The following FOXN3 variants were observed in gnomAD, a reference collection of about 807,000 sequenced individuals.
FOXN3 encodes the protein forkhead box N3.
In FOXN3, 7 loss-of-function variants were observed where a neutral mutation model predicts 38.4. That is an observed-to-expected ratio of 0.18 (90% CI 0.10 to 0.34). FOXN3 has a LOEUF of 0.34. FOXN3 is among the 10% of genes least tolerant of loss of function. FOXN3 has a pLI of 1.00. For synonymous variants in FOXN3, 230 were observed against 242.2 expected, an observed-to-expected ratio of 0.95 and a Z score of 0.47; for missense variants, 456 against 613.4, an observed-to-expected ratio of 0.74 and a Z score of 2.71.
intron 4 of FOXN3, among the ~76,000 whole-genome samples, chr14:89,215,356 T>TC (rs72016761): frequency 0.018 from 2,774 of 152,064 alleles, 84 homozygotes; most frequent in African/African-American, 0.063. Flanking sequence ...GATTTTTTTT[T>TC]TTTTGGCAGA....
chr14:89,607,422 G>A (rs78157888), intron 1 of FOXN3, among the ~76,000 whole-genome samples: 1 of 152,084 alleles, frequency 6.6e-6, no homozygotes, highest in Non-Finnish European at 1.5e-5. Context: ...AGCCGGGCAT[G>A]GTGGTACATG....
chr14:89,568,097 G>GC (rs1040610991), intron 1 of FOXN3, among the ~76,000 whole-genome samples: 12 of 151,556 alleles, frequency 7.9e-5, no homozygotes, highest in South Asian at 2.1e-4. Context: ...TCCTCTCGCT[G>GC]CCCCCCCAAA....
At chr14:89,565,093 CAAAAAAAAAAAAAAA>C (rs59821937) in intron 1 of FOXN3, among the ~76,000 whole-genome samples, 1 of 52,898 alleles carries the variant, frequency 1.9e-5, no homozygotes, top group Non-Finnish European at 3.6e-5. Flanking sequence ...GAGCTCGTCT[CAAAAAAAAAAAAAAA>C]AAAAAAAAAA....
At chr14:89,249,565 A>C (rs1455710789) in intron 4 of FOXN3, among the ~76,000 whole-genome samples, 1 of 152,236 alleles carries the variant, frequency 6.6e-6, no homozygotes, top group African/African-American at 2.4e-5. Context: ...TCATGTAGAC[A>C]CAGCCATCCT....
At chr14:89,299,254 T>C (rs8012171) in intron 3 of FOXN3, among the ~76,000 whole-genome samples, 40,551 of 152,122 alleles carry the variant, frequency 0.27, 5,490 homozygotes, top group Admixed American at 0.35. Flanking sequence ...GTTTCCCCCA[T>C]ACTATTCTCA....
intron 1 of FOXN3, among the ~76,000 whole-genome samples, chr14:89,536,544 G>A (rs1338712983): frequency 6.6e-6 from 1 of 152,198 alleles, no homozygotes; most frequent in African/African-American, 2.4e-5. Context: ...CACTTTGGGA[G>A]GCCGAGGCGG....
At chr14:89,205,572 G>A (rs1888359916) in intron 4 of FOXN3, among the ~76,000 whole-genome samples, 1 of 152,230 alleles carries the variant, frequency 6.6e-6, no homozygotes, top group African/African-American at 2.4e-5. Context: ...GACACCAGCA[G>A]GCCATCGACG....
At chr14:89,269,769 C>T (rs982082242) in intron 4 of FOXN3, among the ~76,000 whole-genome samples, 1 of 152,104 alleles carries the variant, frequency 6.6e-6, no homozygotes. Flanking sequence ...ACTGAACATA[C>T]TTCCTTTGAG....
chr14:89,567,013 T>C (rs1430007614), intron 1 of FOXN3, among the ~76,000 whole-genome samples: 1 of 152,196 alleles, frequency 6.6e-6, no homozygotes, highest in African/African-American at 2.4e-5. Context: ...GACAGGTGTG[T>C]ATCTGTGACC....
In FOXN3 at chr14:89,298,558, C is replaced by T. The variant is rs920139880; in HGVS notation, c.681-17544G>A. On this transcript the variant is annotated intron_variant, in intron 3 of 5. Coordinates refer to ENST00000557258, the MANE Select transcript of FOXN3 (RefSeq NM_005197.4). ...ATTTAATAAATAAATAACAGATAGA[C>T]GACAGACAGACAAACAGACATTTCC... Among the ~76,000 whole-genome samples, 19 of 150,528 alleles carry T rather than the reference C, an allele frequency of 1.3e-4. No homozygotes were observed. In the East Asian group the frequency reaches 1.4e-3, roughly 11 times the overall value.
intron 1 of FOXN3, among the ~76,000 whole-genome samples, chr14:89,528,514 A>C (rs1371472788): frequency 6.8e-6 from 1 of 147,978 alleles, no homozygotes; most frequent in Non-Finnish European, 1.5e-5. Flanking sequence ...CTCCTGCCTC[A>C]GCCTCCCGAG....
chr14:89,357,901 T>C (rs2140020853), intron 2 of FOXN3, among the ~76,000 whole-genome samples: 1 of 152,290 alleles, frequency 6.6e-6, no homozygotes, highest in Admixed American at 6.5e-5. Context: ...GCCACCTCTC[T>C]CCCCTCTGCT....
intron 3 of FOXN3, among the ~76,000 whole-genome samples, chr14:89,300,192 T>C: frequency 6.7e-6 from 1 of 150,358 alleles, no homozygotes; most frequent in African/African-American, 2.4e-5. Context: ...TTTTTTTTTT[T>C]TTTTTTTTGA....
intron 5 of FOXN3, among the ~76,000 whole-genome samples, chr14:89,165,060 C>T (rs963286218): frequency 2.6e-5 from 4 of 152,110 alleles, no homozygotes; most frequent in African/African-American, 9.7e-5. Flanking sequence ...GCTAGATGTC[C>T]GAGAGCCTCC....
At chr14:89,398,277 G>A (rs1212801619) in intron 2 of FOXN3, among the ~76,000 whole-genome samples, 1 of 152,216 alleles carries the variant, frequency 6.6e-6, no homozygotes, top group East Asian at 1.9e-4. Context: ...ATAACGCAAT[G>A]ATGCGGGCTA....
At chr14:89,447,695 A>C (rs776539645) in intron 1 of FOXN3, among the ~76,000 whole-genome samples, 1 of 152,032 alleles carries the variant, frequency 6.6e-6, no homozygotes, top group Middle Eastern at 3.2e-3. Context: ...CTTTCCACAT[A>C]AACAGTGACC....
intron 3 of FOXN3, among the ~76,000 whole-genome samples, chr14:89,329,571 G>A (rs1596188322): frequency 6.6e-6 from 1 of 152,006 alleles, no homozygotes; most frequent in South Asian, 2.1e-4. Context: ...CAATTCTCTG[G>A]CCCCTGCCGG....
At chr14:89,547,918 C>T (rs531781270) in intron 1 of FOXN3, among the ~76,000 whole-genome samples, 17 of 152,276 alleles carry the variant, frequency 1.1e-4, no homozygotes, top group African/African-American at 3.8e-4. Context: ...TTCACAGAAA[C>T]GCTTGCAACC....
chr14:89,538,208 G>A (rs988031779), intron 1 of FOXN3, among the ~76,000 whole-genome samples: 1 of 152,218 alleles, frequency 6.6e-6, no homozygotes, highest in Non-Finnish European at 1.5e-5. Flanking sequence ...TCAAAACGCA[G>A]TTCATTCATG....
Sources: gnomAD v4.1 joint callset for allele counts (sites outside exome capture counted in the v4.1 genomes callset) on GRCh38, gnomAD v4.1.1 for gene constraint, MANE v1.5 for transcripts, NCBI Gene and HGNC (gene_info 2026-07-23, HGNC 2026-07-21) for gene names.